The following NINL variants were observed in gnomAD, a reference collection of about 807,000 sequenced individuals.
NINL encodes the protein ninein like.
Under a neutral mutation model 160.3 loss-of-function variants are expected in NINL, and 153 were observed. The observed-to-expected ratio is 0.95, with a 90% confidence interval of 0.84 to 1.09. The LOEUF is 1.09. NINL is among the 50% of genes least tolerant of loss of function. NINL has a pLI of 0.00. For synonymous variants in NINL, 800 were observed against 734.8 expected, an observed-to-expected ratio of 1.09 and a Z score of -1.43; for missense variants, 1,829 against 1,764.0, an observed-to-expected ratio of 1.04 and a Z score of -0.66.
At chr20:25,546,034 T>G (rs956407604) in intron 1 of NINL, among the ~76,000 whole-genome samples, 1 of 151,378 alleles carries the variant, frequency 6.6e-6, no homozygotes, top group East Asian at 1.9e-4. Context: ...CAGGATGGAG[T>G]GCAGTGTACT....
chr20:25,578,302 T>C (rs2065138626), intron 1 of NINL, among the ~76,000 whole-genome samples: 1 of 151,824 alleles, frequency 6.6e-6, no homozygotes, highest in East Asian at 2.0e-4. Flanking sequence ...GAGACGGGGA[T>C]TCACCATGTT....
intron 5 of NINL, among the ~76,000 whole-genome samples, chr20:25,507,181 A>G (rs146099589): frequency 6.6e-6 from 1 of 152,094 alleles, no homozygotes; most frequent in African/African-American, 2.4e-5. Context: ...TCATCTAATG[A>G]GCTCCTCCAT....
intron 1 of NINL, among the ~76,000 whole-genome samples, chr20:25,559,225 C>A (rs187243166): frequency 6.6e-6 from 1 of 152,084 alleles, no homozygotes. Flanking sequence ...GTGCTCAGCT[C>A]GGGGAGCAGA....
chr20:25,504,257 G>A (rs1216865884), intron 6 of NINL, among the ~76,000 whole-genome samples, 153 bp from the exon 7 acceptor site: 3 of 151,814 alleles, frequency 2.0e-5, no homozygotes, highest in African/African-American at 4.8e-5. Flanking sequence ...TAGACCATGC[G>A]GGCTATATTT....
chr20:25,545,118 T>C (rs1212941184), intron 1 of NINL, among the ~76,000 whole-genome samples: 3 of 152,210 alleles, frequency 2.0e-5, no homozygotes, highest in Non-Finnish European at 4.4e-5. Context: ...GTTTAGTATT[T>C]ACACATTCCT....
chr20:25,470,012 T>C lies in NINL; in HGVS notation c.3332A>G (p.Glu1111Gly). 3 of 1,614,126 alleles carry C rather than the reference T, an allele frequency of 1.9e-6. No individual in the cohort carries two copies. The African/African-American group carries it at 4.0e-5, about 22-fold the overall frequency. The change falls in exon 18 of 24, where the codon GAA (glutamate) becomes GGA (glycine). Residue 1111 changes from glutamate (E) to glycine (G), a missense_variant. Physicochemically the swap from Glu to Gly is moderately conservative, Grantham distance 98 (BLOSUM62 -2). Transcript: ENST00000278886. ...GRVRQELEAA[E>G]STHDAQRKEI... The stretch of plus-strand genomic sequence containing the variant: ...TTACCTCTGTGCATCGTGAGTACTT[T>C]CTGCAGCTTCAAGCTCTTGCCGAAC...
At chr20:25,500,173 C>T (rs2063839975) in intron 8 of NINL, among the ~76,000 whole-genome samples, 1 of 152,136 alleles carries the variant, frequency 6.6e-6, no homozygotes, top group Non-Finnish European at 1.5e-5. Flanking sequence ...TGGGCCCCTG[C>T]ACACCTCTGC....
chr20:25,479,293 G>A, intron 15 of NINL, 87 bp from the exon 16 acceptor site: 1 of 1,499,342 alleles, frequency 6.7e-7, no homozygotes, highest in Non-Finnish European at 9.0e-7. Flanking sequence ...GAAGCTGCCT[G>A]GCACAACGTG....
At chr20:25,490,732 A>G (rs898567058) in intron 11 of NINL, among the ~76,000 whole-genome samples, 1 of 151,430 alleles carries the variant, frequency 6.6e-6, no homozygotes, top group Non-Finnish European at 1.5e-5. Context: ...ACGGTGGGGG[A>G]CTGCAGTGAG....
chr20:25,580,313 A>G (rs574080897), intron 1 of NINL, among the ~76,000 whole-genome samples: 2 of 152,022 alleles, frequency 1.3e-5, no homozygotes, highest in African/African-American at 4.8e-5. Context: ...CAGCCTGGGC[A>G]ACAGAGTGAG....
chr20:25,526,091 T>C (rs1040001286), intron 2 of NINL, among the ~76,000 whole-genome samples: 3 of 152,228 alleles, frequency 2.0e-5, no homozygotes, highest in Non-Finnish European at 4.4e-5. Flanking sequence ...CCAACCCATG[T>C]GGTCTTTGTG....
At chr20:25,548,010 G>T (rs114240022) in intron 1 of NINL, among the ~76,000 whole-genome samples, 1,874 of 152,328 alleles carry the variant, frequency 0.012, 34 homozygotes, top group African/African-American at 0.04. Flanking sequence ...AACTAATGAG[G>T]TAACACTGCA....
intron 6 of NINL, among the ~76,000 whole-genome samples, chr20:25,504,508 T>C (rs539072741): frequency 6.6e-6 from 1 of 152,254 alleles, no homozygotes; most frequent in Admixed American, 6.5e-5. Flanking sequence ...AGAAGGAACA[T>C]GGCCACTGGA....
At chr20:25,519,533 G>T (rs11700213) in intron 2 of NINL, among the ~76,000 whole-genome samples, 19,512 of 152,008 alleles carry the variant, frequency 0.13, 2,024 homozygotes, top group East Asian at 0.57. Flanking sequence ...TTTTTACAAA[G>T]AAATAATTTA....
intron 5 of NINL, among the ~76,000 whole-genome samples, chr20:25,508,076 G>A (rs150063562): frequency 6.6e-6 from 1 of 152,238 alleles, no homozygotes; most frequent in Non-Finnish European, 1.5e-5. Context: ...TCAAGTTCAA[G>A]GATGTAAGAC....
At chr20:25,582,209 C>T (rs6115217) in intron 1 of NINL, among the ~76,000 whole-genome samples, 3,323 of 152,218 alleles carry the variant, frequency 0.022, 120 homozygotes, top group African/African-American at 0.076. Flanking sequence ...GAGCCGAGAT[C>T]GCGCCACTGC....
intron 17 of NINL, among the ~76,000 whole-genome samples, chr20:25,472,389 G>A (rs537020898): frequency 5.4e-4 from 68 of 124,898 alleles, no homozygotes; most frequent in East Asian, 2.2e-3. Flanking sequence ...TTTTTGAGAC[G>A]GAGTTTTGCT....
At chr20:25,583,366 A>T (rs1194136942) in intron 1 of NINL, among the ~76,000 whole-genome samples, 8 of 151,626 alleles carry the variant, frequency 5.3e-5, no homozygotes, top group Admixed American at 6.6e-5. Context: ...AACATATATT[A>T]AAAAAAAAGC....
At position 25,458,476 on chromosome 20, in the gene NINL, C is replaced by T. The variant is rs760141330; in HGVS notation, c.3750G>A (p.Glu1250=). 1.9e-6 allele frequency: 3 copies of T among 1,603,450 alleles called. No individual in the cohort carries two copies. The highest frequency in any genetic ancestry group is 2.2e-5 in the South Asian group (2 of 91,008). ...CACGGTCCTGGGGCACCAGCCGGAC[C>T]TCCTGCAAGTGCTGGGCCTGGGCCT... The part of the protein sequence containing the change: ...LRQAQAQHLQ[E]VRLVPQDRVA... The change falls in exon 22 of 24, where the codon GAG becomes GAA. Residue 1250 remains glutamate, a synonymous_variant. Transcript: ENST00000278886.
Sources: allele counts gnomAD v4.1 joint callset (sites outside exome capture counted in the v4.1 genomes callset), GRCh38; gene constraint gnomAD v4.1.1; transcripts MANE v1.5; gene names NCBI Gene and HGNC (gene_info 2026-07-23, HGNC 2026-07-21).